Variants in SYBU observed in about 807,000 individuals in gnomAD.
SYBU encodes the protein syntabulin.
Under a neutral mutation model 35.9 loss-of-function variants are expected in SYBU, and 21 were observed. That is an observed-to-expected ratio of 0.58 (90% CI 0.41 to 0.84). The LOEUF (loss-of-function observed/expected upper bound fraction) is 0.84, where lower values mean the gene tolerates loss of function less well. Among genes scored for constraint, SYBU ranks in the 40% least tolerant of loss-of-function variants. The probability of loss-of-function intolerance (pLI) is 0.00; values close to 1 mark genes in which losing one functional copy is unlikely to be tolerated. For missense variants in SYBU, 768 were observed against 848.2 expected (o/e 0.91, Z 1.17); for synonymous variants, 319 against 324.3 (o/e 0.98, Z 0.18).
upstream of SYBU, among the ~76,000 whole-genome samples, chr8:109,683,745 G>C (rs1817457594): frequency 6.6e-6 from 1 of 152,134 alleles, no homozygotes; most frequent in African/African-American, 2.4e-5. Flanking sequence ...TTAAATTGTA[G>C]TTCCCATAAT....
At chr8:109,576,431 A>C (rs1822324628) in intron 6 of SYBU, among the ~76,000 whole-genome samples, 1 of 152,194 alleles carries the variant, frequency 6.6e-6, no homozygotes, top group African/African-American at 2.4e-5. Flanking sequence ...TATTATTAGA[A>C]CATCTTAGCA....
chr8:109,633,861 G>A (rs1813909506), intron 2 of SYBU, among the ~76,000 whole-genome samples: 1 of 152,072 alleles, frequency 6.6e-6, no homozygotes, highest in African/African-American at 2.4e-5. Flanking sequence ...AGCCTCCCAA[G>A]TAGCTGGAAT....
intron 1 of SYBU, among the ~76,000 whole-genome samples, chr8:109,676,136 ATC>A (rs1436418019): frequency 3.3e-5 from 5 of 152,238 alleles, no homozygotes; most frequent in Non-Finnish European, 7.3e-5. Context: ...GAGGGAACAT[ATC>A]TCAAAATAAT....
rs1451685771 is a variant in SYBU, at chr8:109,575,937, C to T, written c.961G>A (p.Val321Ile). 1 of 1,613,268 alleles carries T rather than the reference C, an allele frequency of 6.2e-7. No homozygotes were observed. Among genetic ancestry groups the T allele is most frequent in the Non-Finnish European group, 8.5e-7 (1 of 1,179,978 alleles). ...TCTTTGAGTGCCAACTGGGCCTCTA[C>T]CCGGTGACACTCCTCCTCAATCCAG... The part of the protein sequence containing the change: ...EDWIEEECHR[V>I]EAQLALKEAR... The change falls in exon 7 of 7, where the codon GTA becomes ATA. Residue 321 changes from valine (V) to isoleucine (I), a missense_variant. Physicochemically the swap from Val to Ile is conservative, Grantham distance 29. Coordinates refer to ENST00000276646, the MANE Select transcript of SYBU (RefSeq NM_001099754.2).
intron 6 of SYBU, among the ~76,000 whole-genome samples, chr8:109,577,361 CTT>C (rs368126558): frequency 7.0e-6 from 1 of 143,738 alleles, no homozygotes; most frequent in African/African-American, 2.5e-5. Flanking sequence ...TAAGCATGGG[CTT>C]TTTTTTTTTT....
At chr8:109,601,283 A>G (rs1825486800) in intron 3 of SYBU, among the ~76,000 whole-genome samples, 1 of 152,350 alleles carries the variant, frequency 6.6e-6, no homozygotes, top group South Asian at 2.1e-4. Context: ...TCACAGAGCT[A>G]CTAAGCAGCA....
intron 3 of SYBU, among the ~76,000 whole-genome samples, chr8:109,618,226 G>T (rs1812032371): frequency 6.6e-6 from 1 of 152,184 alleles, no homozygotes; most frequent in Non-Finnish European, 1.5e-5. Context: ...CATTTACATA[G>T]TGCAGATTCT....
At chr8:109,590,163 A>G (rs1824051167) in intron 3 of SYBU, among the ~76,000 whole-genome samples, 1 of 152,216 alleles carries the variant, frequency 6.6e-6, no homozygotes, top group Non-Finnish European at 1.5e-5. Context: ...AGCAGGAGCA[A>G]CGGACACACG....
At chr8:109,661,511 T>G (rs1816559952) in intron 1 of SYBU, among the ~76,000 whole-genome samples, 1 of 152,178 alleles carries the variant, frequency 6.6e-6, no homozygotes, top group Non-Finnish European at 1.5e-5. Context: ...GAGTGCAGTT[T>G]GCATGTGCCT....
intron 1 of SYBU, among the ~76,000 whole-genome samples, chr8:109,668,160 GA>G (rs1262512153): frequency 1.1e-5 from 1 of 95,204 alleles, no homozygotes; most frequent in South Asian, 3.5e-4. Flanking sequence ...CAGAGGGGGA[GA>G]GGGGGAGAGA....
rs1299844751 is a variant in SYBU at position 109,575,285 on chromosome 8, G to A, written c.1613C>T (p.Ala538Val). 1.2e-6 allele frequency: 2 copies of A among 1,614,100 alleles called. No homozygotes were observed. The highest frequency in any genetic ancestry group is 1.7e-5 in the Admixed American group (1 of 60,010). ...SMESFPESLS[A>V]LVVDLTPRNP... ...TCTTGGAGTTAAATCAACCACTAAG[G>A]CAGAGAGGGACTCTGGGAAGCTCTC... is the stretch of plus-strand genomic sequence containing the variant. The change falls in exon 7 of 7, where the codon GCC (alanine) becomes GTC (valine). Residue 538 changes from alanine (A) to valine (V), a missense_variant. Ala to Val is a moderately conservative substitution (Grantham distance 64, BLOSUM62 0). Transcript: ENST00000276646.
intron 1 of SYBU, chr8:109,643,485 G>A (rs917843704): frequency 2.6e-5 from 4 of 152,888 alleles, no homozygotes; most frequent in African/African-American, 9.7e-5. Context: ...TTAATTATTC[G>A]TTAATATCCT....
intron 2 of SYBU, among the ~76,000 whole-genome samples, chr8:109,642,258 G>T (rs1438909716): frequency 6.6e-6 from 1 of 151,942 alleles, no homozygotes; most frequent in East Asian, 1.9e-4. Context: ...TGAACACATG[G>T]ACACAGGGAG....
rs71305959 is a variant in SYBU, at chr8:109,576,042, TAAAAAAAAAAA to T, written c.885-40_885-30del. ...GAGTGCCAAGACAAGCATGGTTAAT[TAAAAAAAAAAA>T]AAAAAAAAAAAAAAAAACTTTCAAC... On this transcript the variant is annotated intron_variant, in intron 6 of 6. Coordinates refer to ENST00000276646, the MANE Select transcript of SYBU (RefSeq NM_001099754.2). 63 of 846,582 alleles carry T rather than the reference TAAAAAAAAAAA, an allele frequency of 7.4e-5. No individual in the cohort carries two copies. The Middle Eastern group carries it at 1.3e-3, about 17-fold the overall frequency. 52.4% of individuals were successfully genotyped at this position (846,582 alleles called of 1,614,324 possible).
intron 1 of SYBU, among the ~76,000 whole-genome samples, chr8:109,661,332 T>C (rs1816552918): frequency 6.6e-6 from 1 of 152,182 alleles, no homozygotes; most frequent in African/African-American, 2.4e-5. Flanking sequence ...GATTGAACTT[T>C]GTAAATAAAA....
intron 1 of SYBU, among the ~76,000 whole-genome samples, chr8:109,671,921 G>A (rs1257967548): frequency 2.0e-5 from 3 of 152,056 alleles, no homozygotes; most frequent in East Asian, 1.9e-4. Context: ...TTGTTTTTGA[G>A]ATGGAGTTTC....
Position 109,586,116 on chromosome 8 carries a change from G to T in SYBU, c.474C>A (p.Ser158=), listed in dbSNP as rs761320422. 7.4e-6 allele frequency: 12 copies of T among 1,611,842 alleles called. No homozygotes were observed. Among genetic ancestry groups the T allele is most frequent in the African/African-American group, 1.3e-5 (1 of 74,996 alleles). The part of the protein sequence containing the change: ...FSSSSSTGSI[S]APEVHMSTAG... ...CAGTCGACATATGGACCTCAGGAGC[G>T]GAAATGCTGCCTGTGCTGCTCGAGG... The change falls in exon 4 of 7, where the codon TCC becomes TCA. Residue 158 remains serine, a synonymous_variant. Coordinates refer to ENST00000276646, the MANE Select transcript of SYBU (RefSeq NM_001099754.2).
chr8:109,691,278 C>T lies in SYBU; in HGVS notation c.-58+55G>A, dbSNP rs1453023025. ...CATTGTACCGAAGACCATCAGTTGC[C>T]CTCCCGTGTCCGCGGGCACTGACAG... is the stretch of plus-strand genomic sequence containing the variant. On this transcript the variant is annotated intron_variant, in intron 1 of 7. Transcript: ENST00000422135. The surrounding 1 kb of genome is among the most constrained non-coding windows in gnomAD (Gnocchi z 4.7). 1.4e-6 allele frequency: 1 copy of T among 695,990 alleles called. No homozygotes were observed. The highest frequency in any genetic ancestry group is 2.6e-6 in the Non-Finnish European group (1 of 382,128). 43.1% of individuals were successfully genotyped at this position (695,990 alleles called of 1,614,324 possible). A position where few individuals can be genotyped will look rare whatever the true frequency, so the allele number is the denominator to read the frequency against.
At chr8:109,668,583 T>C (rs1282807688) in intron 1 of SYBU, among the ~76,000 whole-genome samples, 1 of 152,194 alleles carries the variant, frequency 6.6e-6, no homozygotes, top group African/African-American at 2.4e-5. Flanking sequence ...AGGAATGATT[T>C]TGAGGGGATG....
Sources: gnomAD v4.1 joint callset for allele counts (sites outside exome capture counted in the v4.1 genomes callset) on GRCh38, gnomAD v4.1.1 for gene constraint, Gnocchi (gnomAD v3.1) non-coding constraint, MANE v1.5 for transcripts, NCBI Gene and HGNC (gene_info 2026-07-23, HGNC 2026-07-21) for gene names.